Variants in ECM2 observed in about 807,000 individuals in gnomAD.
ECM2 encodes extracellular matrix protein 2.
ECM2 carries 57 observed loss-of-function variants against 67.5 expected under a neutral mutation model. The ratio of observed to expected loss-of-function variants is 0.84; its 90% CI spans 0.68 to 1.05. The LOEUF (loss-of-function observed/expected upper bound fraction) is 1.05, where lower values mean the gene tolerates loss of function less well. Among genes scored for constraint, ECM2 ranks in the 50% least tolerant of loss-of-function variants. The pLI is 0.00. For synonymous variants in ECM2, 258 were observed against 294.5 expected (o/e 0.88, Z 1.27); for missense variants, 741 against 822.8 (o/e 0.90, Z 1.22).
At chr9:92,494,535 T>C (rs935719504), downstream of ECM2, among the ~76,000 whole-genome samples, 1 of 152,228 alleles carries the variant, frequency 6.6e-6, no homozygotes, top group African/African-American at 2.4e-5. Flanking sequence ...GTCTAACAGT[T>C]ATCTTCATAT....
At chr9:92,498,166 A>G (rs894063082) in intron 9 of ECM2, among the ~76,000 whole-genome samples, 2 of 152,328 alleles carry the variant, frequency 1.3e-5, no homozygotes, top group Admixed American at 6.5e-5. Context: ...AATAATTTGT[A>G]TAATAATTAT....
At chr9:92,525,893 CA>C (rs71362395) in intron 1 of ECM2, among the ~76,000 whole-genome samples, 599 of 43,908 alleles carry the variant, frequency 0.014, 1 homozygote, top group African/African-American at 0.03. Flanking sequence ...ACTCTATCTC[CA>C]AAAAAAAAAA....
intron 1 of ECM2, among the ~76,000 whole-genome samples, chr9:92,533,328 A>AATATATATATAT (rs202147064): frequency 9.7e-4 from 37 of 38,312 alleles, no homozygotes; most frequent in East Asian, 2.2e-3. Context: ...AAAAAAAAAA[A>AATATATATATAT]ATATATATAT....
chr9:92,512,001 A>G lies in ECM2; in HGVS notation c.1170+10T>C, dbSNP rs762919894. The G allele has an allele frequency of 1.3e-6, 2 of 1,587,360 alleles. No homozygotes were observed. Among genetic ancestry groups the G allele is most frequent in the African/African-American group, 2.7e-5 (2 of 73,492 alleles). ...TTCATCCAAATAGACAAATCAGAGC[A>G]TGTATTTACCTTGAATGCTTTTGGA... On this transcript the variant is annotated intron_variant, in intron 5 of 9. Transcript: ENST00000344604.
At chr9:92,505,740 A>T in intron 6 of ECM2, 50 bp from the exon 7 acceptor site, 1 of 1,433,458 alleles carries the variant, frequency 7.0e-7, no homozygotes, top group Non-Finnish European at 9.4e-7. Flanking sequence ...AAAACCATGC[A>T]AATTTTTGTA....
chr9:92,501,203 T>C (rs1846651645), intron 8 of ECM2, 150 bp from the exon 9 acceptor site: 6 of 759,434 alleles, frequency 7.9e-6, no homozygotes, highest in Non-Finnish European at 1.2e-5. Flanking sequence ...TTTCCAGGTA[T>C]AGCCAGCCCT....
chr9:92,554,610 C>T, the ECM2 span, among the ~76,000 whole-genome samples: 1 of 152,078 alleles, frequency 6.6e-6, no homozygotes, highest in African/African-American at 2.4e-5. Context: ...TTGTTGGATT[C>T]TATTAGCTAG....
chr9:92,525,822 G>A (rs914156357), intron 1 of ECM2, among the ~76,000 whole-genome samples: 10 of 150,596 alleles, frequency 6.6e-5, no homozygotes, highest in Admixed American at 4.0e-4. Flanking sequence ...CCCGGGAGGC[G>A]GAGGTTGCAC....
the ECM2 span, among the ~76,000 whole-genome samples, chr9:92,550,955 C>T: frequency 6.6e-6 from 1 of 152,178 alleles, no homozygotes; most frequent in Admixed American, 6.6e-5. Flanking sequence ...AGCAGCTACC[C>T]TCTGGCCCTG....
At chr9:92,545,670 C>T in the ECM2 span, among the ~76,000 whole-genome samples, 1 of 152,230 alleles carries the variant, frequency 6.6e-6, no homozygotes, top group Non-Finnish European at 1.5e-5. Context: ...CCACCTGCAG[C>T]CTGGTGCGGG....
intron 9 of ECM2, 52 bp downstream of exon 9, chr9:92,500,675 T>A: frequency 6.5e-7 from 1 of 1,528,220 alleles, no homozygotes; most frequent in Non-Finnish European, 8.9e-7. Flanking sequence ...TGTTTTATCA[T>A]ATATTTTGCC....
chr9:92,523,040 CAAATCATAATTTGG>C (rs1848176166), intron 1 of ECM2, 147 bp from the exon 2 acceptor site: 1 of 788,984 alleles, frequency 1.3e-6, no homozygotes, highest in African/African-American at 1.8e-5. Flanking sequence ...GTATTATTGC[CAAATCATAATTTGG>C]AATTCTTCTA....
the ECM2 span, among the ~76,000 whole-genome samples, chr9:92,555,214 ATTTTTTTTTTT>A: frequency 3.2e-5 from 2 of 63,440 alleles, no homozygotes; most frequent in African/African-American, 8.3e-5. Context: ...TTTTTTGGAA[ATTTTTTTTTTT>A]TTTTTTTTTT....
chr9:92,510,621 C>T (rs552559765), intron 5 of ECM2, among the ~76,000 whole-genome samples: 5 of 152,298 alleles, frequency 3.3e-5, no homozygotes, highest in African/African-American at 1.2e-4. Context: ...GTTGTGTGTT[C>T]ATTGGTCAAA....
chr9:92,500,934 A>G lies in ECM2; in HGVS notation c.1724T>C (p.Val575Ala), dbSNP rs34518968. 4,175 of 1,614,228 alleles carry G rather than the reference A, an allele frequency of 2.6e-3. 9 individuals carry two copies. Among genetic ancestry groups the G allele is most frequent in the Non-Finnish European group, 3.3e-3 (3,920 of 1,180,036 alleles). ...CAGGCCTGGTTCCATGTGGCCAAAC[A>G]CATAGCCAGGGATCCGTTCAATCTG... ...GNQIERIPGY[V>A]FGHMEPGLEY... The change falls in exon 9 of 10, where the codon GTG (valine) becomes GCG (alanine). Residue 575 changes from valine to alanine, a missense_variant. Physicochemically the swap from Val to Ala is moderately conservative, Grantham distance 64 (BLOSUM62 0). Transcript: ENST00000344604.
At chr9:92,536,084 C>T, upstream of ECM2, 1 of 485,864 alleles carries the variant, frequency 2.1e-6, no homozygotes, top group Non-Finnish European at 4.0e-6. Flanking sequence ...TCTAAAATAA[C>T]TGCCTCCCTT....
intron 7 of ECM2, 101 bp from the exon 8 acceptor site, chr9:92,502,753 T>A: frequency 9.6e-7 from 1 of 1,039,414 alleles, no homozygotes. Flanking sequence ...TCATTAGTAT[T>A]ATCTAAAGAG....
At chr9:92,506,224 C>G (rs1847000761) in intron 6 of ECM2, among the ~76,000 whole-genome samples, 1 of 152,182 alleles carries the variant, frequency 6.6e-6, no homozygotes, top group African/African-American at 2.4e-5. Flanking sequence ...CCCTCAGTCT[C>G]TGAACAAGGG....
At chr9:92,546,412 T>C in the ECM2 span, among the ~76,000 whole-genome samples, 2 of 152,206 alleles carry the variant, frequency 1.3e-5, no homozygotes, top group Non-Finnish European at 2.9e-5. Context: ...GGGTCCACGC[T>C]GACTTTATGA....
Sources: gnomAD v4.1 joint callset for allele counts (sites outside exome capture counted in the v4.1 genomes callset) on GRCh38, gnomAD v4.1.1 for gene constraint, MANE v1.5 for transcripts, NCBI Gene and HGNC (gene_info 2026-07-23, HGNC 2026-07-21) for gene names.